NCOA3: variants seen among roughly 807,000 people sequenced by gnomAD.
The protein encoded by NCOA3 is nuclear receptor coactivator 3.
In NCOA3, 51 loss-of-function variants were observed where a neutral mutation model predicts 158.8. The ratio of observed to expected loss-of-function variants is 0.32; its 90% CI spans 0.26 to 0.41. The LOEUF (loss-of-function observed/expected upper bound fraction) is 0.41. Ranked by LOEUF, NCOA3 falls within the 10% of genes least tolerant of loss-of-function variation. The pLI is 1.00. For missense variants in NCOA3, 1,510 were observed against 1,746.6 expected (o/e 0.86, Z 2.41); for synonymous variants, 537 against 592.4 (o/e 0.91, Z 1.36).
chr20:47,561,030 TG>T (rs3091562), intron 1 of NCOA3, among the ~76,000 whole-genome samples: 292 of 148,936 alleles, frequency 2.0e-3, no homozygotes, highest in African/African-American at 6.9e-3. Context: ...TATAGTGGTA[TG>T]ATTTTGGCTC....
intron 1 of NCOA3, 116 bp downstream of exon 1, chr20:47,502,135 A>C (rs973555529): frequency 5.8e-5 from 23 of 397,576 alleles, no homozygotes; most frequent in Non-Finnish European, 9.8e-5. Context: ...CTGCCAAGGC[A>C]CTGAGGGGCG....
At chr20:47,518,298 A>G (rs548161678) in intron 1 of NCOA3, among the ~76,000 whole-genome samples, 1 of 151,950 alleles carries the variant, frequency 6.6e-6, no homozygotes, top group Admixed American at 6.6e-5. Flanking sequence ...ATGAGCCATG[A>G]TTTCACCACT....
intron 2 of NCOA3, among the ~76,000 whole-genome samples, chr20:47,594,401 G>A (rs751037864): frequency 2.6e-5 from 4 of 152,090 alleles, no homozygotes; most frequent in Admixed American, 6.6e-5. Context: ...AGTGGCTCAT[G>A]CCTGTAATCC....
At chr20:47,557,600 A>C (rs2425968) in intron 1 of NCOA3, among the ~76,000 whole-genome samples, 2 of 152,198 alleles carry the variant, frequency 1.3e-5, no homozygotes, top group South Asian at 4.1e-4. Flanking sequence ...GAGAATGTAC[A>C]TATTTTCCTT....
chr20:47,623,987 G>A lies in NCOA3; in HGVS notation c.160G>A (p.Ala54Thr). The A allele has an allele frequency of 6.2e-7, 1 of 1,613,384 alleles. No individual in the cohort carries two copies. Residue 54 changes from alanine to threonine, a missense_variant, in exon 4 of 23, where the codon GCC (alanine) becomes ACC (threonine). By Grantham distance (58) the Ala-to-Thr change is moderately conservative. This residue lies in a region of NCOA3 where 309 missense variants were observed against 427.1 expected (regional missense o/e 0.72). Coordinates refer to ENST00000371998, the MANE Select transcript of NCOA3 (RefSeq NM_181659.3). ...YIEELAELIS[A>T]NLSDIDNFNV... The stretch of plus-strand genomic sequence containing the variant: ...TGAAGAATTGGCTGAGCTGATATCT[G>A]CCAATCTTAGTGATATTGACAATTT...
At chr20:47,570,984 A>ATGTG (rs74178747) in intron 1 of NCOA3, among the ~76,000 whole-genome samples, 2,644 of 120,728 alleles carry the variant, frequency 0.022, 122 homozygotes, top group African/African-American at 0.076. Context: ...ATATACATAT[A>ATGTG]TGTGTGTGTG....
intron 1 of NCOA3, among the ~76,000 whole-genome samples, chr20:47,582,743 G>A (rs535106457): frequency 6.6e-6 from 1 of 152,248 alleles, no homozygotes; most frequent in South Asian, 2.1e-4. Context: ...AGGAAGAGGT[G>A]GTGTACTTGA....
At chr20:47,571,348 C>T (rs564568501) in intron 1 of NCOA3, among the ~76,000 whole-genome samples, 3 of 147,702 alleles carry the variant, frequency 2.0e-5, no homozygotes, top group East Asian at 2.0e-4. Flanking sequence ...GACAGATTCT[C>T]GCTCTGTTGC....
chr20:47,625,821 A>G (rs1490419410), intron 5 of NCOA3, among the ~76,000 whole-genome samples: 1 of 152,200 alleles, frequency 6.6e-6, no homozygotes, highest in African/African-American at 2.4e-5. Flanking sequence ...TGGGTTTTGC[A>G]CCACAGATTT....
chr20:47,563,293 A>C (rs2085136926), intron 1 of NCOA3, among the ~76,000 whole-genome samples: 1 of 152,266 alleles, frequency 6.6e-6, no homozygotes, highest in Admixed American at 6.5e-5. Context: ...TCATTTTACC[A>C]CTTAAAAGTC....
rs559777692 is a variant in NCOA3, at chr20:47,656,329, G to C, written c.*2912G>C. ...TAAATATCAATAACAGTGCTACTTA[G>C]TTATCAGTATTTAATATCTGAGGTG... On this transcript the variant is annotated 3_prime_UTR_variant, in exon 23 of 23. Transcript: ENST00000371998. 1 of 152,194 alleles carries C rather than the reference G, an allele frequency of 6.6e-6. No individual in the cohort carries two copies. The highest frequency in any genetic ancestry group is 2.4e-5 in the African/African-American group (1 of 41,530). 9.4% of individuals were successfully genotyped at this position (152,194 alleles called of 1,614,324 possible).
intron 1 of NCOA3, among the ~76,000 whole-genome samples, chr20:47,575,027 T>TC (rs761627945): frequency 1.3e-5 from 2 of 152,058 alleles, no homozygotes; most frequent in Admixed American, 6.6e-5. Context: ...CCTCCCCACT[T>TC]CCCCCAATAG....
intron 13 of NCOA3, 24 bp from the exon 14 acceptor site, chr20:47,638,984 G>GT: frequency 6.5e-7 from 1 of 1,549,510 alleles, no homozygotes; most frequent in Non-Finnish European, 8.8e-7. Flanking sequence ...ACGAAGAAAT[G>GT]TTTTTGTATT....
At chr20:47,574,160 C>T (rs541143627) in intron 1 of NCOA3, among the ~76,000 whole-genome samples, 6 of 152,140 alleles carry the variant, frequency 3.9e-5, no homozygotes, top group African/African-American at 1.4e-4. Flanking sequence ...GTTTTGCGTT[C>T]GTCATACAAC....
rs1209489155 is a variant in NCOA3, at chr20:47,656,150, C to A, written c.*2733C>A. 3 of 137,780 alleles carry A rather than the reference C, an allele frequency of 2.2e-5. No homozygotes were observed. The highest frequency in any genetic ancestry group is 7.4e-5 in the Admixed American group (1 of 13,438). 8.5% of individuals were successfully genotyped at this position (137,780 alleles called of 1,614,324 possible). A position where few individuals can be genotyped will look rare whatever the true frequency, so the allele number is the denominator to read the frequency against. On this transcript the variant is annotated 3_prime_UTR_variant, in exon 23 of 23. Transcript: ENST00000371998. ...CTTTTTTTTTTTTTTTTTGCTGAATCCAAAGATATATAAATAAAATATATA... is the reference window on the plus strand; with the variant it reads ...CTTTTTTTTTTTTTTTTTGCTGAATACAAAGATATATAAATAAAATATATA...
chr20:47,636,414 A>T lies in NCOA3; in HGVS notation c.2028A>T (p.Ser676=), dbSNP rs758293960. 3 of 1,614,124 alleles carry T rather than the reference A, an allele frequency of 1.9e-6. No homozygotes were observed. The highest frequency in any genetic ancestry group is 2.5e-6 in the Non-Finnish European group (3 of 1,180,020). The change falls in exon 12 of 23, where the codon TCA becomes TCT. Residue 676 remains serine, a synonymous_variant. Transcript: ENST00000371998. ...CCTCTACATCCAATATGCATGGGTCACTGTTACAAGAGAAGCACCGGATTT... is the reference window on the plus strand; with the variant it reads ...CCTCTACATCCAATATGCATGGGTCTCTGTTACAAGAGAAGCACCGGATTT... ...GVSSTSNMHG[S]LLQEKHRILH...
At chr20:47,535,120 G>C (rs372277383) in intron 1 of NCOA3, among the ~76,000 whole-genome samples, 1 of 152,076 alleles carries the variant, frequency 6.6e-6, no homozygotes, top group African/African-American at 2.4e-5. Context: ...TAGTGCAGTG[G>C]CACAATCATG....
chr20:47,603,247 A>G (rs2085891560), intron 2 of NCOA3, among the ~76,000 whole-genome samples: 1 of 152,114 alleles, frequency 6.6e-6, no homozygotes, highest in Non-Finnish European at 1.5e-5. Context: ...GATTTAGACA[A>G]TTTGCTTAAT....
intron 4 of NCOA3, among the ~76,000 whole-genome samples, chr20:47,624,973 A>T (rs1444855127): frequency 6.6e-6 from 1 of 151,996 alleles, no homozygotes; most frequent in Admixed American, 6.5e-5. Context: ...GGGTTTTGCC[A>T]TGTTGGCCAG....
Sources: gnomAD v4.1 joint callset for allele counts (sites outside exome capture counted in the v4.1 genomes callset) on GRCh38, gnomAD v4.1.1 for gene constraint, gnomAD v4.1.1 regional missense constraint, MANE v1.5 for transcripts, NCBI Gene and HGNC (gene_info 2026-07-23, HGNC 2026-07-21) for gene names.